Variants in C1orf116 observed in about 807,000 individuals in gnomAD.
C1orf116 encodes specifically androgen-regulated gene protein.
In C1orf116, 12 loss-of-function variants were observed where a neutral mutation model predicts 14.1. The ratio of observed to expected loss-of-function variants is 0.85; its 90% CI spans 0.54 to 1.38. The LOEUF (loss-of-function observed/expected upper bound fraction) is 1.38. Among genes scored for constraint, C1orf116 ranks in the 40% most tolerant of loss-of-function variants. C1orf116 has a pLI of 0.00. For synonymous variants in C1orf116, 296 were observed against 299.0 expected (o/e 0.99, Z 0.10); for missense variants, 797 against 747.0 (o/e 1.07, Z -0.78).
rs987021708 is a variant in C1orf116, at chr1:207,022,653, T to C, written c.1111A>G (p.Thr371Ala). ...GTCTCCTTGGGTCTGATGGAGCTGG[T>C]GGGCTTACTTAAGTGGAGTCCAGGC... is the stretch of plus-strand genomic sequence containing the variant. ...DEPGLHLSKP[T>A]SSIRPKETRA... Residue 371 changes from threonine (T) to alanine (A), a missense_variant, in exon 4 of 4, where the codon ACC becomes GCC. Physicochemically the swap from Thr to Ala is moderately conservative, Grantham distance 58 (BLOSUM62 0). Transcript: ENST00000359470. 1 of 1,613,918 alleles carries C rather than the reference T, an allele frequency of 6.2e-7. No individual in the cohort carries two copies. Among genetic ancestry groups the C allele is most frequent in the Non-Finnish European group, 8.5e-7 (1 of 1,180,016 alleles).
chr1:207,020,654 C>G lies in C1orf116; in HGVS notation c.*1304G>C, dbSNP rs993289822. 2 of 152,184 alleles carry G rather than the reference C, an allele frequency of 1.3e-5. No homozygotes were observed. Among genetic ancestry groups the G allele is most frequent in the African/African-American group, 4.8e-5 (2 of 41,440 alleles). The allele number at this position is 152,184 out of a possible 1,614,324, so 9.4% of individuals were successfully genotyped here. On this transcript the variant is annotated 3_prime_UTR_variant, in exon 4 of 4. Transcript: ENST00000359470. ...TGGTTAATGATGAGTTACCATATAG[C>G]TATCTTCCAAAGATAAAATTAAAAG...
At position 207,023,334 on chromosome 1, in the gene C1orf116, G is replaced by A. The variant is rs532052815; in HGVS notation, c.430C>T (p.Gln144Ter). The A allele has an allele frequency of 6.2e-7, 1 of 1,614,148 alleles. No homozygotes were observed. Among genetic ancestry groups the A allele is most frequent in the East Asian group, 2.2e-5 (1 of 44,872 alleles). Residue 144 changes from glutamine to a stop codon, truncating the protein, a stop_gained, in exon 4 of 4, where the codon CAG (glutamine) becomes TAG (stop). Transcript: ENST00000359470. LOFTEE classifies it low-confidence loss of function (END_TRUNC). ...TGGGTGGTGCTTTTCCTGAAGTTCT[G>A]GCTTCTGGCAATGTGGATATTCCTA... is the stretch of plus-strand genomic sequence containing the variant. The part of the protein sequence containing the change: ...LPRNIHIARS[Q>*]NFRKSTTQAS...
At position 207,027,789 on chromosome 1, in the gene C1orf116, G is replaced by A. The variant is rs544919915; in HGVS notation, c.-81-110C>T. On this transcript the variant is annotated intron_variant, in intron 1 of 3. Transcript: ENST00000359470. ...CACCAAGCAAGCAGAGAGCTGGAAG[G>A]GGGGCATGAACAGCCACTGCCCGAC... 35 of 1,281,132 alleles carry A rather than the reference G, an allele frequency of 2.7e-5. 2 individuals carry two copies. The highest frequency in any genetic ancestry group is 2.5e-4 in the South Asian group (16 of 64,460). The allele number at this position is 1,281,132 out of a possible 1,614,324, so 79.4% of individuals were successfully genotyped here. A position where few individuals can be genotyped will look rare whatever the true frequency, so the allele number is the denominator to read the frequency against.
At position 207,018,678 on chromosome 1, in the gene C1orf116, C is replaced by T. The variant is rs1681731987; in HGVS notation, c.*3280G>A. On this transcript the variant is annotated 3_prime_UTR_variant, in exon 4 of 4. Coordinates refer to ENST00000359470, the MANE Select transcript of C1orf116 (RefSeq NM_023938.6). Reference sequence around the variant, plus strand: ...GGTTCAGAAAGTTAAAGTGATATCGCCAGGGTTCCTGACTGGTAAGTGATG... The same window carrying T: ...GGTTCAGAAAGTTAAAGTGATATCGTCAGGGTTCCTGACTGGTAAGTGATG... The T allele has an allele frequency of 6.6e-6, 1 of 152,126 alleles. No homozygotes were observed. Among genetic ancestry groups the T allele is most frequent in the African/African-American group, 2.4e-5 (1 of 41,408 alleles). The allele number at this position is 152,126 out of a possible 1,614,324, so 9.4% of individuals were successfully genotyped here. A position where few individuals can be genotyped will look rare whatever the true frequency, so the allele number is the denominator to read the frequency against.
intron 3 of C1orf116, among the ~76,000 whole-genome samples, chr1:207,024,647 C>T (rs1682015121): frequency 6.6e-6 from 1 of 152,242 alleles, no homozygotes; most frequent in Non-Finnish European, 1.5e-5. Flanking sequence ...GGTCAAACCC[C>T]TTTCCCTTCT....
intron 1 of C1orf116, among the ~76,000 whole-genome samples, chr1:207,029,825 G>A (rs1019018207): frequency 2.6e-5 from 4 of 151,552 alleles, no homozygotes; most frequent in Admixed American, 2.6e-4. Context: ...AGATCTAAGG[G>A]TCTAGTTTTG....
chr1:207,032,479 G>T, intron 1 of C1orf116, 100 bp downstream of exon 1: 1 of 768,116 alleles, frequency 1.3e-6, no homozygotes, highest in Non-Finnish European at 1.6e-6. Flanking sequence ...CCCTAGCTGG[G>T]GTATAGAGGG....
chr1:207,024,736 G>A, intron 3 of C1orf116, 151 bp downstream of exon 3: 2 of 1,006,070 alleles, frequency 2.0e-6, no homozygotes, highest in South Asian at 1.6e-5. Context: ...ACAAGGCTCT[G>A]TTCTAGCCAG....
chr1:207,030,855 A>G (rs114974198), intron 1 of C1orf116, among the ~76,000 whole-genome samples: 4,929 of 152,302 alleles, frequency 0.032, 251 homozygotes, highest in African/African-American at 0.11. Context: ...AGGGCCACCC[A>G]TCCAAAGACA....
intron 2 of C1orf116, among the ~76,000 whole-genome samples, chr1:207,026,120 A>T (rs1682066234): frequency 6.6e-6 from 1 of 152,202 alleles, no homozygotes; most frequent in African/African-American, 2.4e-5. Flanking sequence ...AGAGTTGTAT[A>T]TTCTTCAGGC....
rs1252343764 is a variant in C1orf116 at position 207,019,198 on chromosome 1, G to A, written c.*2760C>T. 1 of 152,278 alleles carries A rather than the reference G, an allele frequency of 6.6e-6. No individual in the cohort carries two copies. Among genetic ancestry groups the A allele is most frequent in the Non-Finnish European group, 1.5e-5 (1 of 68,074 alleles). 9.4% of individuals were successfully genotyped at this position (152,278 alleles called of 1,614,324 possible). A position where few individuals can be genotyped will look rare whatever the true frequency, so the allele number is the denominator to read the frequency against. The stretch of plus-strand genomic sequence containing the variant: ...CGTGGTCCTACCCTGCAGAGTCAGA[G>A]CACAGAATTCCAAGTGTAGCACAGG... On this transcript the variant is annotated 3_prime_UTR_variant, in exon 4 of 4. Transcript: ENST00000359470.
intron 1 of C1orf116, among the ~76,000 whole-genome samples, chr1:207,030,534 C>T (rs1328834938): frequency 6.6e-6 from 1 of 152,206 alleles, no homozygotes; most frequent in Non-Finnish European, 1.5e-5. Flanking sequence ...AAGATCATGT[C>T]TTTAGGGATT....
intron 2 of C1orf116, among the ~76,000 whole-genome samples, chr1:207,026,601 A>G (rs1230840101): frequency 1.3e-5 from 2 of 152,246 alleles, no homozygotes; most frequent in Non-Finnish European, 2.9e-5. Flanking sequence ...ATCAAAATCC[A>G]CTGGTTGTCT....
rs935044016 is a variant in C1orf116, at chr1:207,022,509, C to T, written c.1255G>A (p.Gly419Ser). The T allele has an allele frequency of 2.0e-5, 33 of 1,614,048 alleles. No individual in the cohort carries two copies. The highest frequency in any genetic ancestry group is 8.3e-5 in the Admixed American group (5 of 60,008). ...ALAQAPAPAP[G>S]PAQGPLPMKS... Reference sequence around the variant, plus strand: ...ATTGGCAAAGGTCCCTGAGCTGGACCTGGAGCTGGAGCCGGAGCTTGAGCC... The same window carrying T: ...ATTGGCAAAGGTCCCTGAGCTGGACTTGGAGCTGGAGCCGGAGCTTGAGCC... Residue 419 changes from glycine (G) to serine (S), a missense_variant, in exon 4 of 4, where the codon GGT becomes AGT. By Grantham distance (56) the Gly-to-Ser change is moderately conservative. Transcript: ENST00000359470.
Position 207,019,352 on chromosome 1 carries a change from G to A in C1orf116, c.*2606C>T, listed in dbSNP as rs1167699927. On this transcript the variant is annotated 3_prime_UTR_variant, in exon 4 of 4. Transcript: ENST00000359470. Reference sequence around the variant, plus strand: ...CCCAGTGGCATCAAGGCTATGGCAGGGTATAGCAGAGATCTAAGGCCAAGT... The same window carrying A: ...CCCAGTGGCATCAAGGCTATGGCAGAGTATAGCAGAGATCTAAGGCCAAGT... The A allele has an allele frequency of 2.6e-5, 4 of 152,194 alleles. No individual in the cohort carries two copies. In the East Asian group the frequency reaches 7.7e-4, roughly 29 times the overall value. 9.4% of individuals were successfully genotyped at this position (152,194 alleles called of 1,614,324 possible).
Position 207,021,973 on chromosome 1 carries a change from T to A in C1orf116, c.1791A>T (p.Gly597=), listed in dbSNP as rs1486679878. 8 of 1,530,886 alleles carry A rather than the reference T, an allele frequency of 5.2e-6. No homozygotes were observed. The highest frequency in any genetic ancestry group is 7.0e-6 in the Non-Finnish European group (8 of 1,141,424). The allele number at this position is 1,530,886 out of a possible 1,614,324, so 94.8% of individuals were successfully genotyped here. The change falls in exon 4 of 4, where the codon GGA becomes GGT. Residue 597 remains glycine, a synonymous_variant. Transcript: ENST00000359470. The part of the protein sequence containing the change: ...EHRREALKKL[G]LLKE ...GTCGCAGAGTCTACTCCTTCAACAGTCCCAGCTTCTTCAGGGCCTCCCTTC... is the reference window on the plus strand; with the variant it reads ...GTCGCAGAGTCTACTCCTTCAACAGACCCAGCTTCTTCAGGGCCTCCCTTC...
In C1orf116 at chr1:207,022,292, A is replaced by C; in HGVS notation, c.1472T>G (p.Leu491Arg). The change falls in exon 4 of 4, where the codon CTG becomes CGG. Residue 491 changes from leucine to arginine, a missense_variant. Coordinates refer to ENST00000359470, the MANE Select transcript of C1orf116 (RefSeq NM_023938.6). ...SNTLERSGVGLSSYLSTEKDA... is the reference protein window; with the variant it reads ...SNTLERSGVGRSSYLSTEKDA... ...TTTCTCAGTTGAAAGGTAGCTGCTC[A>C]GTCCCACGCCTGAGCGCTCCAGAGT... is the stretch of plus-strand genomic sequence containing the variant. The C allele has an allele frequency of 6.2e-7, 1 of 1,613,852 alleles. No individual in the cohort carries two copies. The highest frequency in any genetic ancestry group is 1.3e-5 in the African/African-American group (1 of 75,072).
intron 1 of C1orf116, among the ~76,000 whole-genome samples, chr1:207,030,021 C>T (rs1162638285): frequency 6.6e-6 from 1 of 152,170 alleles, no homozygotes; most frequent in Non-Finnish European, 1.5e-5. Flanking sequence ...TCTTTCCTAC[C>T]AGGGAAGCTT....
intron 1 of C1orf116, among the ~76,000 whole-genome samples, chr1:207,032,309 T>C (rs1410542088): frequency 6.6e-6 from 1 of 152,236 alleles, no homozygotes; most frequent in African/African-American, 2.4e-5. Flanking sequence ...TTTCTTTTTC[T>C]TGTTGTTTGC....
Sources: gnomAD v4.1 joint callset for allele counts (sites outside exome capture counted in the v4.1 genomes callset) on GRCh38, gnomAD v4.1.1 for gene constraint, MANE v1.5 for transcripts, NCBI Gene and HGNC (gene_info 2026-07-23, HGNC 2026-07-21) for gene names.